Variants in PLEKHA8 observed in about 807,000 individuals in gnomAD.
The protein encoded by PLEKHA8 is pleckstrin homology domain-containing family A member 8.
PLEKHA8 carries 36 observed loss-of-function variants against 68.2 expected under a neutral mutation model. The ratio of observed to expected loss-of-function variants is 0.53; its 90% CI spans 0.40 to 0.70. PLEKHA8 has a LOEUF of 0.70. Among genes scored for constraint, PLEKHA8 ranks in the 30% least tolerant of loss-of-function variants. PLEKHA8 has a pLI of 0.00. For synonymous variants in PLEKHA8, 211 were observed against 216.1 expected (o/e 0.98, Z 0.20); for missense variants, 505 against 615.4 (o/e 0.82, Z 1.90).
At chr7:30,041,275 G>A (rs967123097) in intron 1 of PLEKHA8, among the ~76,000 whole-genome samples, 1 of 152,116 alleles carries the variant, frequency 6.6e-6, no homozygotes, top group Non-Finnish European at 1.5e-5. Flanking sequence ...GTTTTTCTTG[G>A]TCACAGTTTG....
chr7:30,111,615 A>G (rs1376482902), intron 13 of PLEKHA8, among the ~76,000 whole-genome samples: 1 of 147,492 alleles, frequency 6.8e-6, no homozygotes, highest in African/African-American at 2.5e-5. Context: ...TTATTTTATT[A>G]CCATTAGGAC....
Position 30,083,692 on chromosome 7 carries a change from T to A in PLEKHA8, c.*4905T>A. On this transcript the variant is annotated 3_prime_UTR_variant, in exon 14 of 14. Coordinates refer to ENST00000449726, the MANE Select transcript of PLEKHA8 (RefSeq NM_001197026.2). ...GCAAAAGTCTTCAAAATTCTTTGTT[T>A]CCTGTATTAATCACTTCTGTTCCAG... 4 of 985,440 alleles carry A rather than the reference T, an allele frequency of 4.1e-6. No homozygotes were observed. Among genetic ancestry groups the A allele is most frequent in the Non-Finnish European group, 4.8e-6 (4 of 829,918 alleles). The allele number at this position is 985,440 out of a possible 1,614,324, so 61.0% of individuals were successfully genotyped here.
chr7:30,083,744 A>C lies in PLEKHA8; in HGVS notation c.*4957A>C. 4 of 985,118 alleles carry C rather than the reference A, an allele frequency of 4.1e-6. No individual in the cohort carries two copies. The highest frequency in any genetic ancestry group is 4.8e-6 in the Non-Finnish European group (4 of 829,638). The allele number at this position is 985,118 out of a possible 1,614,324, so 61.0% of individuals were successfully genotyped here. On this transcript the variant is annotated 3_prime_UTR_variant, in exon 14 of 14. Coordinates refer to ENST00000449726, the MANE Select transcript of PLEKHA8 (RefSeq NM_001197026.2). The stretch of plus-strand genomic sequence containing the variant: ...GTGAACAAATGTTTTCAGCTAAGCT[A>C]TGTGAGAATGTAAGAATAATATCCT...
intron 12 of PLEKHA8, among the ~76,000 whole-genome samples, chr7:30,068,374 C>A (rs1794010179): frequency 6.6e-6 from 1 of 152,204 alleles, no homozygotes; most frequent in South Asian, 2.1e-4. Flanking sequence ...ACTCCACATT[C>A]TTTTTAGCAC....
intron 9 of PLEKHA8, 47 bp downstream of exon 9, chr7:30,055,389 C>A: frequency 6.5e-7 from 1 of 1,535,886 alleles, no homozygotes; most frequent in Non-Finnish European, 9.0e-7. Context: ...CTAGAATCTG[C>A]CTCACTGTAG....
chr7:30,100,128 C>T (rs1471159053), intron 13 of PLEKHA8, among the ~76,000 whole-genome samples: 2 of 152,172 alleles, frequency 1.3e-5, no homozygotes, highest in East Asian at 1.9e-4. Flanking sequence ...TCTCTCTCTC[C>T]TCATAAGGAG....
At chr7:30,052,495 G>C (rs529084259) in intron 6 of PLEKHA8, among the ~76,000 whole-genome samples, 27 of 152,156 alleles carry the variant, frequency 1.8e-4, no homozygotes, top group Non-Finnish European at 3.7e-4. Context: ...AATTAGCCGG[G>C]CATGGTGGCA....
rs535824875 is a variant in PLEKHA8, at chr7:30,043,449, T to C, written c.41-1636T>C. On this transcript the variant is annotated intron_variant, in intron 1 of 13. Transcript: ENST00000449726. ...TGGGAAGGAAGTCCTCCATATAAAA[T>C]ATAATAAGAGCAAAAGCCATAGTTT... Among the ~76,000 whole-genome samples the C allele has an allele frequency of 1.4e-4, 22 of 152,296 alleles. 1 individual carries two copies. Among genetic ancestry groups the C allele is most frequent in the Non-Finnish European group, 2.9e-5 (2 of 68,026 alleles).
At chr7:30,064,744 C>T (rs1224934549) in intron 12 of PLEKHA8, among the ~76,000 whole-genome samples, 1 of 152,178 alleles carries the variant, frequency 6.6e-6, no homozygotes, top group Admixed American at 6.5e-5. Context: ...AACTTCACTT[C>T]AAACTAACTT....
At chr7:30,065,932 C>T (rs1714746530) in intron 12 of PLEKHA8, among the ~76,000 whole-genome samples, 1 of 149,698 alleles carries the variant, frequency 6.7e-6, no homozygotes, top group African/African-American at 2.5e-5. Context: ...CGGTTCCACC[C>T]CAGACCTGCT....
intron 1 of PLEKHA8, among the ~76,000 whole-genome samples, chr7:30,040,083 G>A (rs1031021061): frequency 1.3e-5 from 2 of 152,218 alleles, no homozygotes; most frequent in Non-Finnish European, 2.9e-5. Flanking sequence ...ATGAAAGGGT[G>A]TTAGATTTTT....
intron 13 of PLEKHA8, among the ~76,000 whole-genome samples, chr7:30,116,460 A>C (rs972125831): frequency 1.3e-5 from 2 of 152,124 alleles, no homozygotes. Context: ...AACTGAAGAA[A>C]AACTTCTGCC....
At chr7:30,036,588 A>G (rs958033940) in intron 1 of PLEKHA8, among the ~76,000 whole-genome samples, 6 of 152,224 alleles carry the variant, frequency 3.9e-5, no homozygotes, top group African/African-American at 1.4e-4. Context: ...CTGGTAGGAC[A>G]TATGAGAAGC....
At position 30,122,871 on chromosome 7, in the gene PLEKHA8, G is replaced by A. The variant is rs541059586; in HGVS notation, c.1363-6395G>A. On this transcript the variant is annotated intron_variant, in intron 13 of 13. Coordinates refer to the PLEKHA8 transcript ENST00000396257. ...GGAAAATGATCTGGCTAGAGACAAA[G>A]AAGAGGAGGGGTGGGAGAGAGAGAG... Among the ~76,000 whole-genome samples, 41 of 152,244 alleles carry A rather than the reference G, an allele frequency of 2.7e-4. 1 individual carries two copies. The South Asian group carries it at 8.5e-3, about 32-fold the overall frequency.
chr7:30,029,379 CCTTTT>C (rs1790476923), intron 1 of PLEKHA8, among the ~76,000 whole-genome samples: 1 of 152,178 alleles, frequency 6.6e-6, no homozygotes, highest in African/African-American at 2.4e-5. Context: ...TTGAGCATTT[CCTTTT>C]GTTTTACAGA....
rs1188526705 is a variant in PLEKHA8 at position 30,028,604 on chromosome 7, G to A, written c.-159G>A. 6.6e-6 allele frequency: 3 copies of A among 457,690 alleles called. No homozygotes were observed. Among genetic ancestry groups the A allele is most frequent in the East Asian group, 7.3e-5 (2 of 27,262 alleles). 28.4% of individuals were successfully genotyped at this position (457,690 alleles called of 1,614,324 possible). A position where few individuals can be genotyped will look rare whatever the true frequency, so the allele number is the denominator to read the frequency against. ...CGCAGTGACCCCGCCCCCGGGCCGA[G>A]GATGTGAGGCGGGCCGGGCGTCCCC... On this transcript the variant is annotated 5_prime_UTR_variant, in exon 1 of 14. Transcript: ENST00000449726.
At chr7:30,068,719 C>T (rs1794036082) in intron 12 of PLEKHA8, among the ~76,000 whole-genome samples, 1 of 152,110 alleles carries the variant, frequency 6.6e-6, no homozygotes, top group African/African-American at 2.4e-5. Flanking sequence ...TTTTGGTATA[C>T]AGAAGTTTCA....
rs371400224 is a variant in PLEKHA8 at position 30,082,446 on chromosome 7, C to G, written c.*3659C>G. The G allele has an allele frequency of 3.8e-5, 37 of 985,310 alleles. No individual in the cohort carries two copies. The East Asian group carries it at 1.8e-3, about 48-fold the overall frequency. The allele number at this position is 985,310 out of a possible 1,614,324, so 61.0% of individuals were successfully genotyped here. A position where few individuals can be genotyped will look rare whatever the true frequency, so the allele number is the denominator to read the frequency against. The stretch of plus-strand genomic sequence containing the variant: ...CAGTGGGGATTCTGTTCCCCCACCC[C>G]CCAGACTGCAAGAGCTTCTTAAGAA... On this transcript the variant is annotated 3_prime_UTR_variant, in exon 14 of 14. Transcript: ENST00000449726.
At chr7:30,078,468 A>G in intron 13 of PLEKHA8, 122 bp from the exon 14 acceptor site, 2 of 1,016,510 alleles carry the variant, frequency 2.0e-6, no homozygotes, top group South Asian at 1.5e-5. Context: ...ATATTTCTTT[A>G]CTCTTGCTCT....
Sources: gnomAD v4.1 joint callset for allele counts (sites outside exome capture counted in the v4.1 genomes callset) on GRCh38, gnomAD v4.1.1 for gene constraint, MANE v1.5 for transcripts, NCBI Gene and HGNC (gene_info 2026-07-23, HGNC 2026-07-21) for gene names.